Variants in SEC13 observed in about 807,000 individuals in gnomAD.
SEC13 encodes the protein protein SEC13 homolog.
In SEC13, 25 loss-of-function variants were observed where a neutral mutation model predicts 49.2. The observed-to-expected ratio is 0.51, with a 90% confidence interval of 0.37 to 0.71. SEC13 has a LOEUF of 0.71. SEC13 is among the 30% of genes least tolerant of loss of function. The pLI is 0.00. For missense variants in SEC13, 383 were observed against 417.6 expected (o/e 0.92, Z 0.72); for synonymous variants, 148 against 163.9 (o/e 0.90, Z 0.74).
intron 1 of SEC13, chr3:10,319,465 A>G: frequency 3.8e-6 from 2 of 531,210 alleles, no homozygotes; most frequent in South Asian, 3.6e-5. Context: ...AGAAGCCCAG[A>G]GAAGAGAAAG....
intron 2 of SEC13, among the ~76,000 whole-genome samples, chr3:10,315,671 T>C (rs546513159): frequency 1.6e-4 from 24 of 152,316 alleles, no homozygotes; most frequent in Admixed American, 4.6e-4. Context: ...TCACAGACCC[T>C]TTACATACCT....
At chr3:10,314,405 A>T (rs114215521) in intron 3 of SEC13, among the ~76,000 whole-genome samples, 1 of 152,262 alleles carries the variant, frequency 6.6e-6, no homozygotes, top group African/African-American at 2.4e-5. Context: ...TGTGATGAGC[A>T]TAAGTGGTAT....
chr3:10,301,342 C>G lies in SEC13; in HGVS notation c.888G>C (p.Gln296His). The part of the protein sequence containing the change: ...VTLWKESVDG[Q>H]WVCISDVNKG... ...TGTTGACATCACTGATGCACACCCACTGCCCATCAACTGACTCCTTCCACA... is the reference window on the plus strand; with the variant it reads ...TGTTGACATCACTGATGCACACCCAGTGCCCATCAACTGACTCCTTCCACA... Residue 296 changes from glutamine to histidine, a missense_variant, in exon 9 of 9, where the codon CAG becomes CAC. Physicochemically the swap from Gln to His is conservative, Grantham distance 24 (BLOSUM62 0). Transcript: ENST00000350697. 1 of 1,614,216 alleles carries G rather than the reference C, an allele frequency of 6.2e-7. No individual in the cohort carries two copies. Among genetic ancestry groups the G allele is most frequent in the African/African-American group, 1.3e-5 (1 of 75,062 alleles).
chr3:10,317,761 C>T (rs1051972440), intron 2 of SEC13, among the ~76,000 whole-genome samples: 7 of 152,124 alleles, frequency 4.6e-5, no homozygotes, highest in Non-Finnish European at 5.9e-5. Context: ...AGCCTTCATC[C>T]GAGAGCAGGT....
At position 10,301,155 on chromosome 3, in the gene SEC13, A is replaced by T. The variant is rs780714120; in HGVS notation, c.*106T>A. ...CTGCATCTGTAACTCCTCCTGGGAA[A>T]ATAATCCTGTTGGAGTTGGGGGCTC... On this transcript the variant is annotated 3_prime_UTR_variant, in exon 9 of 9. Transcript: ENST00000350697. 5 of 1,613,788 alleles carry T rather than the reference A, an allele frequency of 3.1e-6. No individual in the cohort carries two copies. The African/African-American group carries it at 4.0e-5, about 13-fold the overall frequency.
At chr3:10,312,884 T>G in intron 3 of SEC13, 154 bp from the exon 4 acceptor site, 1 of 692,534 alleles carries the variant, frequency 1.4e-6, no homozygotes, top group Non-Finnish European at 2.4e-6. Context: ...AAAGGGGTGC[T>G]CAGTGGACAG....
intron 1 of SEC13, among the ~76,000 whole-genome samples, chr3:10,318,392 T>C (rs2059701971): frequency 6.6e-6 from 1 of 151,762 alleles, no homozygotes. Context: ...TAGACACGAA[T>C]TGAGCCCTAG....
Position 10,315,321 on chromosome 3 carries a change from C to A in SEC13, c.164G>T (p.Gly55Val), listed in dbSNP as rs749899833. Residue 55 changes from glycine (G) to valine (V), a missense_variant and splice_region_variant, in exon 3 of 9, where the codon GGT becomes GTT. Transcript: ENST00000350697. ...GGQILIADLRGHEGPVWQVAW... is the reference protein window; with the variant it reads ...GGQILIADLRVHEGPVWQVAW... ...CTTCCCTGGGCTCGCCAGCACTTAC[C>A]CCCTGAGGTCGGCGATAAGGATCTG... is the stretch of plus-strand genomic sequence containing the variant. 1.9e-6 allele frequency: 3 copies of A among 1,610,760 alleles called. No individual in the cohort carries two copies. The highest frequency in any genetic ancestry group is 1.3e-5 in the African/African-American group (1 of 74,956).
At chr3:10,311,759 A>G in intron 5 of SEC13, 1 of 1,415,418 alleles carries the variant, frequency 7.1e-7, no homozygotes. Context: ...GGAGCACACA[A>G]CAAGGAAGCA....
chr3:10,320,343 C>T (rs1291794035), intron 1 of SEC13, among the ~76,000 whole-genome samples: 1 of 152,086 alleles, frequency 6.6e-6, no homozygotes, highest in Admixed American at 6.5e-5. Flanking sequence ...CAGGCTCAGC[C>T]CAGATACTTC....
intron 8 of SEC13, 51 bp from the exon 9 acceptor site, chr3:10,301,425 G>A (rs1700503188): frequency 1.2e-6 from 2 of 1,609,858 alleles, no homozygotes; most frequent in Non-Finnish European, 1.7e-6. Context: ...CCTTCCCTCT[G>A]CTGTCCCCTA....
chr3:10,312,508 G>A, intron 4 of SEC13, 71 bp downstream of exon 4: 2 of 1,551,766 alleles, frequency 1.3e-6, no homozygotes, highest in Non-Finnish European at 1.8e-6. Flanking sequence ...GGGAGCCAGG[G>A]CTCCAGCCGG....
chr3:10,306,783 T>C (rs1478035900), intron 5 of SEC13, among the ~76,000 whole-genome samples: 1 of 152,222 alleles, frequency 6.6e-6, no homozygotes, highest in African/African-American at 2.4e-5. Context: ...ACAAGCTCTC[T>C]CTTTTGCCTG....
At chr3:10,312,517 G>C (rs9825433) in intron 4 of SEC13, 62 bp downstream of exon 4, 4 of 1,580,336 alleles carry the variant, frequency 2.5e-6, no homozygotes, top group Non-Finnish European at 3.4e-6. Flanking sequence ...GGCTCCAGCC[G>C]GGACAGAGTC....
chr3:10,301,253 C>A lies in SEC13; in HGVS notation c.*8G>T, dbSNP rs987723593. On this transcript the variant is annotated 3_prime_UTR_variant, in exon 9 of 9. Coordinates refer to ENST00000350697, the MANE Select transcript of SEC13 (RefSeq NM_183352.3). ...TGGCGGGTGGGGAGCCAGGCCCCAC[C>A]TGTCTTGTCACTGCTCGTTCTGCTG... The A allele has an allele frequency of 1.9e-6, 3 of 1,614,206 alleles. No individual in the cohort carries two copies. In the East Asian group the frequency reaches 6.7e-5, roughly 36 times the overall value.
chr3:10,305,383 G>T (rs1700809004), intron 6 of SEC13, 176 bp downstream of exon 6: 1 of 1,025,186 alleles, frequency 9.8e-7, no homozygotes, highest in Non-Finnish European at 1.4e-6. Context: ...GGAATTAGGT[G>T]AACAGGTGTT....
At chr3:10,313,809 A>G (rs1313565820) in intron 3 of SEC13, 1 of 165,328 alleles carries the variant, frequency 6.0e-6, no homozygotes, top group African/African-American at 2.4e-5. Flanking sequence ...CTTGGCCAAC[A>G]CGCTGCACTG....
intron 5 of SEC13, among the ~76,000 whole-genome samples, chr3:10,310,355 G>A (rs987048338): frequency 6.6e-6 from 1 of 152,136 alleles, no homozygotes; most frequent in East Asian, 1.9e-4. Flanking sequence ...GCCGGGTGTT[G>A]TGGCGTGTGC....
chr3:10,304,752 G>A (rs1006494942), intron 7 of SEC13, among the ~76,000 whole-genome samples: 1 of 152,106 alleles, frequency 6.6e-6, no homozygotes, highest in South Asian at 2.1e-4. Flanking sequence ...TGGGCACCTC[G>A]GCGCCCTAGT....
Sources: gnomAD v4.1 joint callset for allele counts (sites outside exome capture counted in the v4.1 genomes callset) on GRCh38, gnomAD v4.1.1 for gene constraint, MANE v1.5 for transcripts, NCBI Gene and HGNC (gene_info 2026-07-23, HGNC 2026-07-21) for gene names.